The following MYH4 variants were observed in gnomAD, a reference collection of about 807,000 sequenced individuals.
MYH4 encodes the protein myosin heavy chain 4, also known as myosin-4.
A neutral mutation model predicts 229.9 loss-of-function variants in MYH4; 200 were observed. That is an observed-to-expected ratio of 0.87 (90% CI 0.78 to 0.98). The LOEUF (loss-of-function observed/expected upper bound fraction) is 0.98, where lower values mean the gene tolerates loss of function less well. Among genes scored for constraint, MYH4 ranks in the 50% least tolerant of loss-of-function variants. The pLI, the probability that MYH4 is intolerant of heterozygous loss-of-function variation, is 0.00. For missense variants in MYH4, 2,148 were observed against 2,332.6 expected (o/e 0.92, Z 1.63); for synonymous variants, 761 against 834.6 (o/e 0.91, Z 1.52).
rs79132008 is a variant in MYH4 at position 10,464,624 on chromosome 17, G to A, written c.534-38C>T. ...AACAGAAGAAAAGGTCAGAATCTAA[G>A]GTAGTAGTAGCCACTACAATGATCA... is the stretch of plus-strand genomic sequence containing the variant. On this transcript the variant is annotated intron_variant, in intron 6 of 39. Coordinates refer to ENST00000255381, the MANE Select transcript of MYH4 (RefSeq NM_017533.2). 3,366 of 1,613,182 alleles carry A rather than the reference G, an allele frequency of 2.1e-3. 10 individuals carry two copies. The highest frequency in any genetic ancestry group is 2.5e-3 in the Non-Finnish European group (3,003 of 1,179,240).
rs571163808 is a variant in MYH4 at position 10,443,389 on chromosome 17, T to C, written c.5806A>G (p.Ile1936Val). ...ATTAGAATGAATTACTCTTCACTTATGACTTTTGTGTGAACCTCCCGACTC... is the reference window on the plus strand; with the variant it reads ...ATTAGAATGAATTACTCTTCACTTACGACTTTTGTGTGAACCTCCCGACTC... ...VKSREVHTKVISEE is the reference protein window; with the variant it reads ...VKSREVHTKVVSEE The change falls in exon 40 of 40, where the codon ATA (isoleucine) becomes GTA (valine). Residue 1936 changes from isoleucine (I) to valine (V), a missense_variant. By Grantham distance (29) the Ile-to-Val change is conservative. Coordinates refer to ENST00000255381, the MANE Select transcript of MYH4 (RefSeq NM_017533.2). The surrounding 1 kb of genome is among the most constrained non-coding windows in gnomAD (Gnocchi z 4.6). The C allele has an allele frequency of 3.7e-4, 605 of 1,614,054 alleles. 5 individuals carry two copies. The South Asian group carries it at 6.1e-3, about 16-fold the overall frequency.
At position 10,443,914 on chromosome 17, in the gene MYH4, GAA is replaced by G. The variant is rs199787188; in HGVS notation, c.5668-389_5668-388del. On this transcript the variant is annotated intron_variant, in intron 39 of 39. Coordinates refer to ENST00000255381, the MANE Select transcript of MYH4 (RefSeq NM_017533.2). This position sits in a 1 kb window ranked among gnomAD's most constrained non-coding sequence, Gnocchi z 4.6. ...GGCAACAAGAGCAAAACTCTGCCTC[GAA>G]AAAAAAAAAAAGAAGAGAAAAAGGC... 7.8e-6 allele frequency among the ~76,000 whole-genome samples: 1 copy of G among 127,460 alleles called. No homozygotes were observed. The allele number at this position is 127,460 out of a possible 152,430, so 83.6% of individuals were successfully genotyped here.
chr17:10,445,454 GA>G, intron 35 of MYH4, 92 bp from the exon 36 acceptor site: 1 of 1,494,194 alleles, frequency 6.7e-7, no homozygotes, highest in Admixed American at 2.0e-5. Flanking sequence ...AAAAATTATT[GA>G]TCATAAGAAA....
At position 10,448,073 on chromosome 17, in the gene MYH4, A is replaced by C. The variant is rs746762062; in HGVS notation, c.4710T>G (p.Asn1570Lys). Residue 1570 changes from asparagine (N) to lysine (K), a missense_variant, in exon 34 of 40, where the codon AAT becomes AAG. By Grantham distance (94) the Asn-to-Lys change is moderately conservative. Coordinates refer to ENST00000255381, the MANE Select transcript of MYH4 (RefSeq NM_017533.2). ...GKILRIQLEL[N>K]QVKSEIDRKI... is the part of the protein sequence containing the mutation. Reference sequence around the variant, plus strand: ...TTCGGTCAATCTCAGATTTCACCTGATTTAGCTCAAGTTGAATGCGAAGAA... The same window carrying C: ...TTCGGTCAATCTCAGATTTCACCTGCTTTAGCTCAAGTTGAATGCGAAGAA... 1 of 1,614,004 alleles carries C rather than the reference A, an allele frequency of 6.2e-7. No individual in the cohort carries two copies. Among genetic ancestry groups the C allele is most frequent in the Non-Finnish European group, 8.5e-7 (1 of 1,179,994 alleles).
chr17:10,467,568 A>G (rs188323584), intron 2 of MYH4, among the ~76,000 whole-genome samples: 46 of 152,298 alleles, frequency 3.0e-4, no homozygotes, highest in African/African-American at 9.1e-4. Context: ...TTTTTAATAA[A>G]ATTTTATAGT....
At position 10,447,139 on chromosome 17, in the gene MYH4, T is replaced by G; in HGVS notation, c.5043A>C (p.Arg1681Ser). Reference sequence around the variant, plus strand: ...CAACTTCAGCCTGCATCAGGTTAGCTCTGCGCTCAACCATTGCCAGTTGTT... The same window carrying G: ...CAACTTCAGCCTGCATCAGGTTAGCGCTGCGCTCAACCATTGCCAGTTGTT... ...LKEQLAMVER[R>S]ANLMQAEVEE... The change falls in exon 35 of 40, where the codon AGA (arginine) becomes AGC (serine). Residue 1681 changes from arginine to serine, a missense_variant. By Grantham distance (110) the Arg-to-Ser change is moderately radical. Transcript: ENST00000255381. 3 of 1,614,156 alleles carry G rather than the reference T, an allele frequency of 1.9e-6. No individual in the cohort carries two copies. The African/African-American group carries it at 4.0e-5, about 22-fold the overall frequency.
Position 10,463,568 on chromosome 17 carries a change from C to T in MYH4, c.724G>A (p.Asp242Asn). Reference protein sequence around the residue: ...AFGNAKTVRNDNSSRFGKFIR... With the variant: ...AFGNAKTVRNNNSSRFGKFIR... ...AGACTTACAAAGCGAGAGGAGTTGT[C>T]ATTCCTCACGGTCTTGGCATTGCCG... Residue 242 changes from aspartate to asparagine, a missense_variant, in exon 8 of 40, where the codon GAC (aspartate) becomes AAC (asparagine). Transcript: ENST00000255381. The T allele has an allele frequency of 6.2e-7, 1 of 1,612,952 alleles. No homozygotes were observed. The highest frequency in any genetic ancestry group is 8.5e-7 in the Non-Finnish European group (1 of 1,178,954).
Position 10,457,551 on chromosome 17 carries a change from A to G in MYH4, c.1766T>C (p.Val589Ala), listed in dbSNP as rs2072655441. 1 of 1,614,052 alleles carries G rather than the reference A, an allele frequency of 6.2e-7. No individual in the cohort carries two copies. Among genetic ancestry groups the G allele is most frequent in the Non-Finnish European group, 8.5e-7 (1 of 1,180,026 alleles). ...CAGCCAGCCGGCGATGTTGTAGTCC[A>G]CGGTGCCGGCATAGTGCACCAGTGA... ...HFSLVHYAGT[V>A]DYNIAGWLDK... The change falls in exon 16 of 40, where the codon GTG becomes GCG. Residue 589 changes from valine to alanine, a missense_variant. By Grantham distance (64) the Val-to-Ala change is moderately conservative. Coordinates refer to ENST00000255381, the MANE Select transcript of MYH4 (RefSeq NM_017533.2).
chr17:10,447,997 T>A lies in MYH4; in HGVS notation c.4786A>T (p.Arg1596Ter). 3 of 1,614,014 alleles carry A rather than the reference T, an allele frequency of 1.9e-6. No homozygotes were observed. The highest frequency in any genetic ancestry group is 1.3e-5 in the African/African-American group (1 of 75,048). The change falls in exon 34 of 40, where the codon AGA (arginine) becomes TGA (stop). Residue 1596 changes from arginine to a stop codon, truncating the protein, a stop_gained. Coordinates refer to ENST00000255381, the MANE Select transcript of MYH4 (RefSeq NM_017533.2). LOFTEE classifies it high-confidence loss of function. ...GTACTCTGCATTGACTCCACAACTC[T>A]GAGATGGTTCCTCTTTAGCTGATCG... ...ELDQLKRNHL[R>*]VVESMQSTLD... is the part of the protein sequence containing the mutation.
At chr17:10,445,205 G>C (rs776179864) in intron 36 of MYH4, 32 bp downstream of exon 36, 3 of 1,614,162 alleles carry the variant, frequency 1.9e-6, no homozygotes, top group Non-Finnish European at 2.5e-6. Context: ...CAGCATGCAT[G>C]TGTCAGTAAG....
At chr17:10,461,426 T>C (rs2072700655) in intron 11 of MYH4, among the ~76,000 whole-genome samples, 1 of 152,204 alleles carries the variant, frequency 6.6e-6, no homozygotes, top group African/African-American at 2.4e-5. Context: ...TGGCTATTTT[T>C]GTTTCTTTTC....
chr17:10,464,352 GGCT>G (rs2072736865), intron 7 of MYH4, 117 bp downstream of exon 7: 1 of 834,718 alleles, frequency 1.2e-6, no homozygotes, highest in South Asian at 2.0e-5. Flanking sequence ...TCTTTTTTAA[GGCT>G]GCATAGTATT....
Position 10,463,079 on chromosome 17 carries a change from A to G in MYH4, c.904+11T>C. The G allele has an allele frequency of 6.2e-7, 1 of 1,603,760 alleles. No homozygotes were observed. The highest frequency in any genetic ancestry group is 8.5e-7 in the Non-Finnish European group (1 of 1,171,556). ...ATTCTTTGGTAGAAATAAATCAAAG[A>G]TGTGTCTTACCAATGAGCTCTGGTT... On this transcript the variant is annotated intron_variant, in intron 10 of 39. Transcript: ENST00000255381.
intron 1 of MYH4, 37 bp from the exon 2 acceptor site, chr17:10,469,373 T>C (rs930056347): frequency 2.0e-5 from 3 of 152,154 alleles, no homozygotes; most frequent in Admixed American, 6.5e-5. Context: ...GATGCTTTTT[T>C]TTCCCCATTT....
intron 12 of MYH4, among the ~76,000 whole-genome samples, 198 bp from the exon 13 acceptor site, chr17:10,460,519 T>C (rs753902091): frequency 2.0e-5 from 3 of 152,150 alleles, no homozygotes; most frequent in Non-Finnish European, 4.4e-5. Flanking sequence ...TGATGATAAA[T>C]TGGAGGTTGG....
chr17:10,467,694 T>A (rs1448184464), intron 2 of MYH4, among the ~76,000 whole-genome samples: 1 of 152,240 alleles, frequency 6.6e-6, no homozygotes, highest in Non-Finnish European at 1.5e-5. Flanking sequence ...CTTCTCCTCT[T>A]TTTAAAAATA....
At chr17:10,454,383 A>T (rs1365255483) in intron 22 of MYH4, among the ~76,000 whole-genome samples, 172 bp downstream of exon 22, 1 of 152,236 alleles carries the variant, frequency 6.6e-6, no homozygotes, top group African/African-American at 2.4e-5. Context: ...GTGTGAATGC[A>T]CATATGAACG....
chr17:10,458,606 T>C (rs192776658), intron 15 of MYH4, among the ~76,000 whole-genome samples: 3 of 152,334 alleles, frequency 2.0e-5, no homozygotes, highest in Non-Finnish European at 4.4e-5. Flanking sequence ...ATACACTTTA[T>C]TGATATCAAT....
chr17:10,467,689 C>T (rs1396247887), intron 2 of MYH4, among the ~76,000 whole-genome samples: 1 of 152,136 alleles, frequency 6.6e-6, no homozygotes, highest in Admixed American at 6.5e-5. Context: ...TCTTTCTTCT[C>T]CTCTTTTTAA....
Sources: gnomAD v4.1 joint callset for allele counts (sites outside exome capture counted in the v4.1 genomes callset) on GRCh38, gnomAD v4.1.1 for gene constraint, Gnocchi (gnomAD v3.1) non-coding constraint, MANE v1.5 for transcripts, NCBI Gene and HGNC (gene_info 2026-07-23, HGNC 2026-07-21) for gene names.